PRRC2A: variants seen among roughly 807,000 people sequenced by gnomAD.
PRRC2A encodes protein PRRC2A.
PRRC2A carries 59 observed loss-of-function variants against 224.6 expected under a neutral mutation model. The ratio of observed to expected loss-of-function variants is 0.26; its 90% CI spans 0.21 to 0.33. The LOEUF is 0.33. PRRC2A is among the 10% of genes least tolerant of loss of function. The pLI is 1.00. For synonymous variants in PRRC2A, 1,194 were observed against 1,109.5 expected (o/e 1.08, Z -1.51); for missense variants, 3,095 against 2,880.7 (o/e 1.07, Z -1.70).
intron 2 of PRRC2A, 95 bp downstream of exon 2, chr6:31,622,996 A>G: frequency 9.3e-7 from 1 of 1,079,140 alleles, no homozygotes; most frequent in African/African-American, 1.6e-5. Context: ...GCTGTAGTAG[A>G]AATACCAAAA....
chr6:31,625,163 C>G lies in PRRC2A; in HGVS notation c.464-8C>G, dbSNP rs1483357773. 1 of 1,609,520 alleles carries G rather than the reference C, an allele frequency of 6.2e-7. No individual in the cohort carries two copies. The highest frequency in any genetic ancestry group is 8.5e-7 in the Non-Finnish European group (1 of 1,177,280). On this transcript the variant is annotated splice_polypyrimidine_tract_variant and splice_region_variant and intron_variant, in intron 5 of 30. Transcript: ENST00000376033. The surrounding 1 kb of genome is among the most constrained non-coding windows in gnomAD (Gnocchi z 4.1). Reference sequence around the variant, plus strand: ...TCTGTCTCCTGTTCTGCATCCCCATCCTAATAGGTGGAAGGGCATCAAGCC... The same window carrying G: ...TCTGTCTCCTGTTCTGCATCCCCATGCTAATAGGTGGAAGGGCATCAAGCC...
chr6:31,635,835 C>T (rs769666152), intron 24 of PRRC2A, 86 bp downstream of exon 24: 23 of 1,480,884 alleles, frequency 1.6e-5, no homozygotes, highest in Admixed American at 8.9e-5. Flanking sequence ...AGCCTTTCTA[C>T]GTTGCAGAGT....
At chr6:31,635,924 C>G (rs1450391414) in intron 24 of PRRC2A, 43 bp from the exon 25 acceptor site, 3 of 1,525,314 alleles carry the variant, frequency 2.0e-6, no homozygotes, top group Non-Finnish European at 2.7e-6. Flanking sequence ...TTTTTCTTGA[C>G]CACAGATACT....
rs373219649 is a variant in PRRC2A at position 31,636,710 on chromosome 6, C to T, written c.5935-23C>T. On this transcript the variant is annotated intron_variant, in intron 27 of 30. Transcript: ENST00000376033. This position sits in a 1 kb window ranked among gnomAD's most constrained non-coding sequence, Gnocchi z 4.3. ...GACATTCCTCCCTGCCCCCAACATGCACACCCAAATTTCTTGTTACAGATG... is the reference window on the plus strand; with the variant it reads ...GACATTCCTCCCTGCCCCCAACATGTACACCCAAATTTCTTGTTACAGATG... 6.2e-7 allele frequency: 1 copy of T among 1,605,178 alleles called. No homozygotes were observed. Among genetic ancestry groups the T allele is most frequent in the African/African-American group, 1.3e-5 (1 of 74,984 alleles).
At chr6:31,623,512 C>T (rs1276971673) in intron 2 of PRRC2A, among the ~76,000 whole-genome samples, 1 of 152,126 alleles carries the variant, frequency 6.6e-6, no homozygotes, top group Non-Finnish European at 1.5e-5. Flanking sequence ...GGTGATCCGC[C>T]TGCCTCGGCC....
At position 31,637,476 on chromosome 6, in the gene PRRC2A, C is replaced by T. The variant is rs1777624195; in HGVS notation, c.6364C>T (p.Pro2122Ser). The T allele has an allele frequency of 6.4e-7, 1 of 1,574,336 alleles. No individual in the cohort carries two copies. Among genetic ancestry groups the T allele is most frequent in the African/African-American group, 1.4e-5 (1 of 73,738 alleles). The change falls in exon 31 of 31, where the codon CCT becomes TCT. Residue 2122 changes from proline to serine, a missense_variant. By Grantham distance (74) the Pro-to-Ser change is moderately conservative. Around this residue, in one of 8 missense-constraint regions of PRRC2A, gnomAD observed 662 missense variants for 609.5 expected, o/e 1.09. Transcript: ENST00000376033. ...ASPPDALRWI[P>S]KPWERTGPPP... ...CCCACCAGATGCCCTGCGCTGGATA[C>T]CTAAGCCTTGGGAGCGGACAGGGCC...
rs781377731 is a variant in PRRC2A, at chr6:31,623,834, A to T, written c.215A>T (p.Asn72Ile). The change falls in exon 3 of 31, where the codon AAT becomes ATT. Residue 72 changes from asparagine (N) to isoleucine (I), a missense_variant. Physicochemically the swap from Asn to Ile is moderately radical, Grantham distance 149. Transcript: ENST00000376033. ...AGCCTGAAAGCCGAGAACAAAGGCA[A>T]TGACCCCAATGTCTCACTAGTGCCA... ...LPSLKAENKG[N>I]DPNVSLVPKD... is the part of the protein sequence containing the mutation. The T allele has an allele frequency of 2.5e-6, 4 of 1,614,096 alleles. No individual in the cohort carries two copies. Among genetic ancestry groups the T allele is most frequent in the Non-Finnish European group, 3.4e-6 (4 of 1,180,044 alleles).
rs369842092 is a variant in PRRC2A, at chr6:31,636,833, T to C, written c.6035T>C (p.Val2012Ala). Residue 2012 changes from valine (V) to alanine (A), a missense_variant, in exon 28 of 31, where the codon GTG (valine) becomes GCG (alanine). Transcript: ENST00000376033. The surrounding 1 kb of genome is among the most constrained non-coding windows in gnomAD (Gnocchi z 4.3). ...PAPPPLSLLPVGPALQPPSLA... is the reference protein window; with the variant it reads ...PAPPPLSLLPAGPALQPPSLA... Reference sequence around the variant, plus strand: ...CCACCTCCCCTTTCTCTGTTACCTGTGGGCCCTGCTCTGCAGCCCCCCAGC... The same window carrying C: ...CCACCTCCCCTTTCTCTGTTACCTGCGGGCCCTGCTCTGCAGCCCCCCAGC... The C allele has an allele frequency of 3.5e-5, 57 of 1,612,098 alleles. No homozygotes were observed. The African/African-American group carries it at 7.1e-4, about 20-fold the overall frequency.
chr6:31,622,570 G>T, intron 1 of PRRC2A, 120 bp from the exon 2 acceptor site: 1 of 501,972 alleles, frequency 2.0e-6, no homozygotes, highest in Non-Finnish European at 3.5e-6. Context: ...GTAGATCATG[G>T]TTGCTTGAGA....
intron 12 of PRRC2A, 24 bp downstream of exon 12, chr6:31,628,263 A>T (rs1406312046): frequency 1.4e-5 from 22 of 1,589,438 alleles, no homozygotes; most frequent in Non-Finnish European, 1.9e-5. Flanking sequence ...GATAGGTACT[A>T]CCAGATGTCA....
intron 1 of PRRC2A, 74 bp from the exon 2 acceptor site, chr6:31,622,616 A>G (rs1309912837): frequency 7.0e-6 from 4 of 572,282 alleles, no homozygotes; most frequent in African/African-American, 1.9e-5. Flanking sequence ...AGGAAAAGAC[A>G]CCAGAGGGCC....
chr6:31,623,206 C>A, intron 2 of PRRC2A: 2 of 638,744 alleles, frequency 3.1e-6, no homozygotes, highest in Non-Finnish European at 5.9e-6. Context: ...ACCAATCTCA[C>A]ATAAAAGTAT....
rs779599369 is a variant in PRRC2A, at chr6:31,637,339, C to T, written c.6333+15C>T. On this transcript the variant is annotated intron_variant, in intron 30 of 30. Transcript: ENST00000376033. ...TTTACCAGCAGGTGAAGGAGAAACC[C>T]TTGTGGCCCCAACTCTAAATTCGAG... 3 of 1,606,154 alleles carry T rather than the reference C, an allele frequency of 1.9e-6. No homozygotes were observed. The South Asian group carries it at 3.3e-5, about 18-fold the overall frequency.
chr6:31,633,092 G>C, intron 16 of PRRC2A, 100 bp downstream of exon 16: 1 of 1,366,390 alleles, frequency 7.3e-7, no homozygotes, highest in Non-Finnish European at 9.7e-7. Flanking sequence ...ATTGTGGCCT[G>C]AGGGGCCATG....
intron 4 of PRRC2A, 35 bp downstream of exon 4, chr6:31,624,395 T>C: frequency 6.2e-7 from 1 of 1,608,814 alleles, no homozygotes; most frequent in South Asian, 1.1e-5. Context: ...GGAGGAAGAA[T>C]GGTTCATAGC....
rs1002429562 is a variant in PRRC2A, at chr6:31,625,019, C to T, written c.464-152C>T. 9 of 828,020 alleles carry T rather than the reference C, an allele frequency of 1.1e-5. No individual in the cohort carries two copies. The highest frequency in any genetic ancestry group is 1.5e-5 in the Non-Finnish European group (8 of 522,038). 51.3% of individuals were successfully genotyped at this position (828,020 alleles called of 1,614,324 possible). The stretch of plus-strand genomic sequence containing the variant: ...TTTCACATGTTGGCCAGGATGGTCT[C>T]GATCTCTTGACCTCGTGATCCGCCC... On this transcript the variant is annotated intron_variant, in intron 5 of 30. Transcript: ENST00000376033. The surrounding 1 kb of genome is among the most constrained non-coding windows in gnomAD (Gnocchi z 4.1).
At position 31,625,489 on chromosome 6, in the gene PRRC2A, C is replaced by T. The variant is rs1387136296; in HGVS notation, c.637C>T (p.Arg213Cys). ...TACAACTTGGAGGGACGGAGGTGGGCGTGGCCCTGATGAGCTGGAGGGCCC... is the reference window on the plus strand; with the variant it reads ...TACAACTTGGAGGGACGGAGGTGGGTGTGGCCCTGATGAGCTGGAGGGCCC... ...NSTTWRDGGGRGPDELEGPDS... is the reference protein window; with the variant it reads ...NSTTWRDGGGCGPDELEGPDS... The change falls in exon 7 of 31, where the codon CGT becomes TGT. Residue 213 changes from arginine (R) to cysteine (C), a missense_variant. Physicochemically the swap from Arg to Cys is radical, Grantham distance 180. Around this residue, in one of 8 missense-constraint regions of PRRC2A, gnomAD observed 287 missense variants for 275.3 expected, o/e 1.04. Transcript: ENST00000376033. The surrounding 1 kb of genome is among the most constrained non-coding windows in gnomAD (Gnocchi z 4.1). 2 of 1,588,232 alleles carry T rather than the reference C, an allele frequency of 1.3e-6. No homozygotes were observed. Among genetic ancestry groups the T allele is most frequent in the South Asian group, 1.1e-5 (1 of 87,506 alleles).
intron 14 of PRRC2A, 145 bp downstream of exon 14, chr6:31,629,990 AGCTCTGTT>A: frequency 7.4e-7 from 1 of 1,358,172 alleles, no homozygotes; most frequent in Non-Finnish European, 9.9e-7. Flanking sequence ...CTGCTGAGAT[AGCTCTGTT>A]GCAAAAATGG....
At chr6:31,628,277 C>A (rs764676455) in intron 12 of PRRC2A, 38 bp downstream of exon 12, 29 of 1,577,056 alleles carry the variant, frequency 1.8e-5, no homozygotes, top group Non-Finnish European at 1.9e-5. Context: ...GATGTCAGAT[C>A]ACTGCTTCAA....
Sources: gnomAD v4.1 joint callset for allele counts (sites outside exome capture counted in the v4.1 genomes callset) on GRCh38, gnomAD v4.1.1 for gene constraint, gnomAD v4.1.1 regional missense constraint, Gnocchi (gnomAD v3.1) non-coding constraint, MANE v1.5 for transcripts, NCBI Gene and HGNC (gene_info 2026-07-23, HGNC 2026-07-21) for gene names.